Variants in TUSC3 observed in about 807,000 individuals in gnomAD.
The protein encoded by TUSC3 is tumor suppressor candidate 3.
Under a neutral mutation model 44.8 loss-of-function variants are expected in TUSC3, and 45 were observed. The ratio of observed to expected loss-of-function variants is 1.00; its 90% CI spans 0.79 to 1.29. TUSC3 has a LOEUF of 1.29. Ranked by LOEUF, TUSC3 falls within the 50% of genes most tolerant of loss-of-function variation. The probability of loss-of-function intolerance (pLI) is 0.00; values close to 1 mark genes in which losing one functional copy is unlikely to be tolerated. For missense variants in TUSC3, 519 were observed against 437.9 expected (o/e 1.19, Z -1.65); for synonymous variants, 212 against 152.9 (o/e 1.39, Z -2.85).
intron 6 of TUSC3, among the ~76,000 whole-genome samples, chr8:15,721,941 A>G (rs940745223): frequency 6.6e-6 from 1 of 151,804 alleles, no homozygotes; most frequent in Non-Finnish European, 1.5e-5. Context: ...TACTATCCTA[A>G]TAGTATAGTA....
chr8:15,718,614 T>C (rs1421255), intron 6 of TUSC3, among the ~76,000 whole-genome samples: 120,709 of 152,042 alleles, frequency 0.79, 49,535 homozygotes, highest in Non-Finnish European at 0.9. Flanking sequence ...AAAAAGAGAA[T>C]AGAACTTCAT....
chr8:15,485,635 C>T (rs1800724157), intron 2 of TUSC3, among the ~76,000 whole-genome samples: 1 of 152,042 alleles, frequency 6.6e-6, no homozygotes, highest in South Asian at 2.1e-4. Context: ...TCTATCTCTA[C>T]TCCAAAACCA....
intron 1 of TUSC3, among the ~76,000 whole-genome samples, chr8:15,590,697 G>T (rs1803793217): frequency 6.6e-6 from 1 of 151,372 alleles, no homozygotes; most frequent in Non-Finnish European, 1.5e-5. Flanking sequence ...TCTGAGACAG[G>T]GTTTTGCTCT....
chr8:15,585,788 A>C (rs1803574532), intron 1 of TUSC3, among the ~76,000 whole-genome samples: 1 of 152,148 alleles, frequency 6.6e-6, no homozygotes, highest in Admixed American at 6.5e-5. Context: ...CTGTGCCTGC[A>C]GACTGTTCTT....
At chr8:15,550,036 G>C (rs1363204819) in intron 1 of TUSC3, among the ~76,000 whole-genome samples, 1 of 151,564 alleles carries the variant, frequency 6.6e-6, no homozygotes, top group African/African-American at 2.4e-5. Context: ...AGCAAGCACG[G>C]GGTACGTGAC....
chr8:15,769,113 C>A (rs1408477661), downstream of TUSC3, among the ~76,000 whole-genome samples: 1 of 152,074 alleles, frequency 6.6e-6, no homozygotes, highest in Non-Finnish European at 1.5e-5. Flanking sequence ...GCCTGCATAA[C>A]CAAGACAATC....
intron 2 of TUSC3, among the ~76,000 whole-genome samples, chr8:15,635,388 A>T (rs753531393): frequency 1.3e-5 from 2 of 152,156 alleles, no homozygotes; most frequent in Non-Finnish European, 2.9e-5. Context: ...GCATGTCACA[A>T]TGCTGGATGC....
At chr8:15,744,976 G>A (rs1811345490) in intron 8 of TUSC3, among the ~76,000 whole-genome samples, 1 of 151,968 alleles carries the variant, frequency 6.6e-6, no homozygotes. Context: ...AGTCGTGTCT[G>A]TTCTCATCTT....
At chr8:15,711,626 A>G (rs948442080) in intron 6 of TUSC3, among the ~76,000 whole-genome samples, 1 of 151,650 alleles carries the variant, frequency 6.6e-6, no homozygotes, top group Admixed American at 6.6e-5. Flanking sequence ...TAGAGAATTT[A>G]CCATTGCACT....
rs545831511 is a variant in TUSC3, at chr8:15,750,670, A to G, written c.1028+2205A>G. On this transcript the variant is annotated intron_variant, in intron 9 of 10. Transcript: ENST00000503731. Reference sequence around the variant, plus strand: ...GAAAATACATATCCTTGGCCTCACCATAGATATAAATAGTAAGCACATCTG... The same window carrying G: ...GAAAATACATATCCTTGGCCTCACCGTAGATATAAATAGTAAGCACATCTG... Among the ~76,000 whole-genome samples the G allele has an allele frequency of 4.6e-5, 7 of 152,248 alleles. No homozygotes were observed. In the South Asian group the frequency reaches 8.3e-4, roughly 18 times the overall value.
At chr8:15,708,140 G>C (rs898772410) in intron 6 of TUSC3, among the ~76,000 whole-genome samples, 1 of 152,002 alleles carries the variant, frequency 6.6e-6, no homozygotes, top group African/African-American at 2.4e-5. Flanking sequence ...TTTGGAGGAG[G>C]ACATCATTCA....
At chr8:15,818,927 A>G in the TUSC3 span, among the ~76,000 whole-genome samples, 1 of 152,162 alleles carries the variant, frequency 6.6e-6, no homozygotes, top group African/African-American at 2.4e-5. Flanking sequence ...AATATTGACA[A>G]ATTCATTCCT....
At chr8:15,692,357 A>ACCCCCCC (rs57593991) in intron 6 of TUSC3, among the ~76,000 whole-genome samples, 3 of 88,134 alleles carry the variant, frequency 3.4e-5, no homozygotes, top group Non-Finnish European at 6.2e-5. Context: ...TTGGGAGGAG[A>ACCCCCCC]CCCCCCCCCC....
chr8:15,548,879 G>A (rs191074093), intron 1 of TUSC3, among the ~76,000 whole-genome samples: 6 of 151,640 alleles, frequency 4.0e-5, no homozygotes, highest in African/African-American at 1.5e-4. Flanking sequence ...GGTACATGTA[G>A]CCCTCCCTGA....
chr8:15,771,313 C>T (rs573529644), downstream of TUSC3, among the ~76,000 whole-genome samples: 22 of 152,122 alleles, frequency 1.4e-4, no homozygotes, highest in African/African-American at 4.1e-4. Context: ...ATTATAATCC[C>T]GTGGGCTTTT....
At chr8:15,643,222 T>G (rs1806464003) in intron 2 of TUSC3, among the ~76,000 whole-genome samples, 1 of 152,330 alleles carries the variant, frequency 6.6e-6, no homozygotes, top group South Asian at 2.1e-4. Flanking sequence ...TGCTGAACTG[T>G]GAGTCAGTTA....
intron 6 of TUSC3, among the ~76,000 whole-genome samples, chr8:15,681,078 C>T (rs1040991601): frequency 4.0e-5 from 6 of 148,500 alleles, no homozygotes; most frequent in South Asian, 2.1e-4. Context: ...GTTTTGATAT[C>T]GGTGCTGCTG....
At chr8:15,799,203 G>T in the TUSC3 span, among the ~76,000 whole-genome samples, 1 of 152,030 alleles carries the variant, frequency 6.6e-6, no homozygotes, top group Admixed American at 6.6e-5. Flanking sequence ...ACTGCAGGAG[G>T]CATTGAGCTG....
intron 9 of TUSC3, among the ~76,000 whole-genome samples, chr8:15,757,505 A>T (rs1057452451): frequency 6.6e-6 from 1 of 152,154 alleles, no homozygotes; most frequent in South Asian, 2.1e-4. Context: ...TAATATCTAA[A>T]TGGTGTGATG....
Sources: gnomAD v4.1 joint callset for allele counts (sites outside exome capture counted in the v4.1 genomes callset) on GRCh38, gnomAD v4.1.1 for gene constraint, MANE v1.5 for transcripts, NCBI Gene and HGNC (gene_info 2026-07-23, HGNC 2026-07-21) for gene names.